BTBD7: variants seen among roughly 807,000 people sequenced by gnomAD.
BTBD7 encodes the protein BTB domain containing 7.
In BTBD7, 38 loss-of-function variants were observed where a neutral mutation model predicts 99.9. That is an observed-to-expected ratio of 0.38 (90% CI 0.29 to 0.50). The LOEUF is 0.50. BTBD7 is among the 20% of genes least tolerant of loss of function. The pLI is 0.93. For missense variants in BTBD7, 1,170 were observed against 1,394.6 expected, an observed-to-expected ratio of 0.84 and a Z score of 2.57; for synonymous variants, 520 against 511.4, an observed-to-expected ratio of 1.02 and a Z score of -0.23.
At chr14:93,320,649 T>A (rs2053259442) in intron 1 of BTBD7, among the ~76,000 whole-genome samples, 2 of 152,230 alleles carry the variant, frequency 1.3e-5, no homozygotes, top group African/African-American at 4.8e-5. Flanking sequence ...TCTACTGAAG[T>A]ATAATGACAT....
At chr14:93,261,530 G>T in intron 5 of BTBD7, 72 bp downstream of exon 5, 1 of 1,133,054 alleles carries the variant, frequency 8.8e-7, no homozygotes. Flanking sequence ...CTGATGTGCG[G>T]CATGCATTTC....
In BTBD7 at chr14:93,294,229, C is replaced by T; in HGVS notation, c.791G>A (p.Gly264Asp). The T allele has an allele frequency of 6.2e-7, 1 of 1,613,716 alleles. No homozygotes were observed. Among genetic ancestry groups the T allele is most frequent in the South Asian group, 1.1e-5 (1 of 91,002 alleles). ...TTCATCTAAACAGTTCTGATTTCCA[C>T]CAAAAGCTTCAACCAGTTCAGAGTC... is the stretch of plus-strand genomic sequence containing the variant. ...SSDSELVEAF[G>D]GNQNCLDEEL... Residue 264 changes from glycine (G) to aspartate (D), a missense_variant, in exon 3 of 11, where the codon GGT becomes GAT. Physicochemically the swap from Gly to Asp is moderately conservative, Grantham distance 94. This residue lies in a region of BTBD7 where 359 missense variants were observed against 497.9 expected (regional missense o/e 0.72). Transcript: ENST00000334746.
At position 93,242,160 on chromosome 14, in the gene BTBD7, T is replaced by C; in HGVS notation, c.*113A>G. ...TATATACACAAAAACTAGAACAAAA[T>C]CATGTGAAACCGAGTTATCAGCTGG... On this transcript the variant is annotated 3_prime_UTR_variant, in exon 11 of 11. Coordinates refer to ENST00000334746, the MANE Select transcript of BTBD7 (RefSeq NM_001002860.4). 2.1e-6 allele frequency: 2 copies of C among 942,252 alleles called. No individual in the cohort carries two copies. Among genetic ancestry groups the C allele is most frequent in the Non-Finnish European group, 3.2e-6 (2 of 628,146 alleles). The allele number at this position is 942,252 out of a possible 1,614,324, so 58.4% of individuals were successfully genotyped here.
intron 1 of BTBD7, among the ~76,000 whole-genome samples, chr14:93,315,338 T>C (rs1030893212): frequency 2.0e-5 from 3 of 152,236 alleles, no homozygotes; most frequent in Non-Finnish European, 4.4e-5. Context: ...GCTAACTCAA[T>C]TACCTGCTGT....
intron 3 of BTBD7, among the ~76,000 whole-genome samples, chr14:93,278,151 G>A (rs1430237860): frequency 2.0e-5 from 3 of 152,308 alleles, no homozygotes; most frequent in Non-Finnish European, 2.9e-5. Flanking sequence ...GGTGGCTCAC[G>A]CCTCTAATCC....
intron 4 of BTBD7, among the ~76,000 whole-genome samples, chr14:93,262,854 A>G (rs1344480888): frequency 6.6e-6 from 1 of 152,062 alleles, no homozygotes; most frequent in Non-Finnish European, 1.5e-5. Context: ...GAGAACTAAC[A>G]ACTTCTAACA....
rs981126066 is a variant in BTBD7, at chr14:93,263,714, G to A, written c.1371+71C>T. 62 of 1,412,436 alleles carry A rather than the reference G, an allele frequency of 4.4e-5. No individual in the cohort carries two copies. The Admixed American group carries it at 1.0e-3, about 24-fold the overall frequency. The allele number at this position is 1,412,436 out of a possible 1,614,324, so 87.5% of individuals were successfully genotyped here. Reference sequence around the variant, plus strand: ...CCCCTGCCCTACCCTAGATGGAAGAGTAATAGAGCATAGATGGGTTTCTTG... The same window carrying A: ...CCCCTGCCCTACCCTAGATGGAAGAATAATAGAGCATAGATGGGTTTCTTG... On this transcript the variant is annotated intron_variant, in intron 4 of 10. Coordinates refer to ENST00000334746, the MANE Select transcript of BTBD7 (RefSeq NM_001002860.4).
intron 3 of BTBD7, among the ~76,000 whole-genome samples, chr14:93,266,984 T>A (rs1381086877): frequency 6.6e-6 from 1 of 152,196 alleles, no homozygotes; most frequent in African/African-American, 2.4e-5. Flanking sequence ...CAGACCTCAT[T>A]CAGTAGCCAG....
chr14:93,290,487 C>T (rs990315800), intron 3 of BTBD7, among the ~76,000 whole-genome samples: 1 of 144,732 alleles, frequency 6.9e-6, no homozygotes, highest in Non-Finnish European at 1.5e-5. Context: ...GCTGGGGTTA[C>T]AGGCGTGACC....
intron 1 of BTBD7, among the ~76,000 whole-genome samples, chr14:93,300,401 G>A (rs577827173): frequency 6.6e-6 from 1 of 152,022 alleles, no homozygotes; most frequent in African/African-American, 2.4e-5. Context: ...AGGATTACAG[G>A]TGTGTGTCAC....
At chr14:93,311,760 T>A (rs2053140998) in intron 1 of BTBD7, among the ~76,000 whole-genome samples, 2 of 150,458 alleles carry the variant, frequency 1.3e-5, no homozygotes, top group African/African-American at 4.9e-5. Flanking sequence ...TTTTTTTTTT[T>A]ACAATTCTTT....
chr14:93,261,691 T>C lies in BTBD7; in HGVS notation c.1372-14A>G, dbSNP rs765278052. The C allele has an allele frequency of 1.5e-5, 23 of 1,574,554 alleles. No homozygotes were observed. The South Asian group carries it at 2.4e-4, about 16-fold the overall frequency. On this transcript the variant is annotated splice_polypyrimidine_tract_variant and intron_variant, in intron 4 of 10. Transcript: ENST00000334746. Reference sequence around the variant, plus strand: ...TTGTTCACTTGCCTATAATAAAAAATGGTTTATATTTATTTTAGTGAAATT... The same window carrying C: ...TTGTTCACTTGCCTATAATAAAAAACGGTTTATATTTATTTTAGTGAAATT...
At chr14:93,302,496 A>AT (rs1055972469) in intron 1 of BTBD7, among the ~76,000 whole-genome samples, 6 of 152,204 alleles carry the variant, frequency 3.9e-5, no homozygotes, top group African/African-American at 1.4e-4. Context: ...ATGAATGGTC[A>AT]TATCTCTAGC....
chr14:93,290,669 C>T (rs1362739853), intron 3 of BTBD7, among the ~76,000 whole-genome samples: 1 of 151,684 alleles, frequency 6.6e-6, no homozygotes, highest in Admixed American at 6.6e-5. Context: ...AGGTGTGTGC[C>T]ACCACACCCA....
chr14:93,276,086 T>C (rs149535449), intron 3 of BTBD7, among the ~76,000 whole-genome samples: 2 of 151,954 alleles, frequency 1.3e-5, no homozygotes, highest in East Asian at 3.9e-4. Flanking sequence ...CATGGTGGCA[T>C]ATGCCTGTAG....
intron 3 of BTBD7, among the ~76,000 whole-genome samples, chr14:93,267,710 T>C (rs115719213): frequency 0.018 from 2,675 of 152,324 alleles, 83 homozygotes; most frequent in African/African-American, 0.062. Context: ...CTCAGTACTA[T>C]TATTGGGTTC....
chr14:93,246,219 G>A lies in BTBD7; in HGVS notation c.2189C>T (p.Pro730Leu), dbSNP rs146941671. 244 of 1,597,348 alleles carry A rather than the reference G, an allele frequency of 1.5e-4. No homozygotes were observed. The highest frequency in any genetic ancestry group is 2.0e-4 in the Non-Finnish European group (234 of 1,170,676). ...DESPLLTMRQ[P>L]GRCRVNSTPP... ...TGTACTGTTTACGCGACATCTCCCAGGCTGTCTCATTGTCAAGAGTGGACT... is the reference window on the plus strand; with the variant it reads ...TGTACTGTTTACGCGACATCTCCCAAGCTGTCTCATTGTCAAGAGTGGACT... The change falls in exon 10 of 11, where the codon CCT (proline) becomes CTT (leucine). Residue 730 changes from proline (P) to leucine (L), a missense_variant. By Grantham distance (98) the Pro-to-Leu change is moderately conservative. Coordinates refer to ENST00000334746, the MANE Select transcript of BTBD7 (RefSeq NM_001002860.4).
chr14:93,284,298 G>C (rs138371671), intron 3 of BTBD7, among the ~76,000 whole-genome samples: 5 of 152,248 alleles, frequency 3.3e-5, no homozygotes, highest in African/African-American at 1.2e-4. Flanking sequence ...ATTAAACTGT[G>C]AATTAAATGG....
intron 1 of BTBD7, among the ~76,000 whole-genome samples, chr14:93,300,732 G>A (rs1315889212): frequency 2.4e-5 from 2 of 83,098 alleles, no homozygotes; most frequent in African/African-American, 1.4e-4. Flanking sequence ...GTGTGTGTGT[G>A]TGTGTGTGTG....
Sources: gnomAD v4.1 joint callset for allele counts (sites outside exome capture counted in the v4.1 genomes callset) on GRCh38, gnomAD v4.1.1 for gene constraint, gnomAD v4.1.1 regional missense constraint, MANE v1.5 for transcripts, NCBI Gene and HGNC (gene_info 2026-07-23, HGNC 2026-07-21) for gene names.